The following STK3 variants were observed in gnomAD, a reference collection of about 807,000 sequenced individuals.
STK3 encodes serine/threonine kinase 3.
Under a neutral mutation model 58.0 loss-of-function variants are expected in STK3, and 41 were observed. That is an observed-to-expected ratio of 0.71 (90% CI 0.55 to 0.92). The LOEUF (loss-of-function observed/expected upper bound fraction) is 0.92, where lower values mean the gene tolerates loss of function less well. Ranked by LOEUF, STK3 falls within the 40% of genes least tolerant of loss-of-function variation. The probability of loss-of-function intolerance (pLI) is 0.00; values close to 1 mark genes in which losing one functional copy is unlikely to be tolerated. For missense variants in STK3, 479 were observed against 602.7 expected (o/e 0.79, Z 2.15); for synonymous variants, 170 against 191.0 (o/e 0.89, Z 0.91).
At chr8:98,384,814 A>G (rs936237029) in intron 1 of STK3, among the ~76,000 whole-genome samples, 50 of 152,214 alleles carry the variant, frequency 3.3e-4, no homozygotes, top group African/African-American at 1.0e-3. Context: ...TCATTCTTGA[A>G]TCCTTTCTGC....
At chr8:98,928,994 G>T (rs1438191107) in intron 1 of STK3, among the ~76,000 whole-genome samples, 1 of 152,214 alleles carries the variant, frequency 6.6e-6, no homozygotes, top group Non-Finnish European at 1.5e-5. Flanking sequence ...GGCCGGGCAT[G>T]GTGGTTCATG....
downstream of STK3, among the ~76,000 whole-genome samples, chr8:98,452,159 T>A (rs936855852): frequency 6.6e-6 from 1 of 152,210 alleles, no homozygotes; most frequent in Non-Finnish European, 1.5e-5. Flanking sequence ...TTAAAAAACA[T>A]CTTATTAATG....
intron 9 of STK3, among the ~76,000 whole-genome samples, chr8:98,542,474 T>C (rs949555968): frequency 6.6e-6 from 1 of 152,132 alleles, no homozygotes; most frequent in African/African-American, 2.4e-5. Context: ...CATCATTCTC[T>C]ATAGAAGCCC....
At chr8:98,493,395 C>G (rs541455911) in intron 10 of STK3, among the ~76,000 whole-genome samples, 1 of 152,226 alleles carries the variant, frequency 6.6e-6, no homozygotes, top group East Asian at 1.9e-4. Flanking sequence ...ATTCACTTCC[C>G]GCTCTGAAGC....
chr8:98,755,576 C>A (rs755619172), intron 3 of STK3, among the ~76,000 whole-genome samples: 46 of 152,168 alleles, frequency 3.0e-4, no homozygotes, highest in Non-Finnish European at 5.7e-4. Context: ...ATAAAATGTC[C>A]TTTCTCCACT....
At chr8:98,390,834 T>C (rs1016403943), upstream of STK3, among the ~76,000 whole-genome samples, 1 of 152,218 alleles carries the variant, frequency 6.6e-6, no homozygotes, top group East Asian at 1.9e-4. Flanking sequence ...GTCCATCCCA[T>C]GTGTTTTATT....
rs1171136504 is a variant in STK3, at chr8:98,428,209, T to C, written n.483+5918A>G. ...TTCTACTTCGACCGCAACCCTGAGC[T>C]CTTCCCCTACGTGCTGCATTTCTAT... On this transcript the variant is annotated intron_variant and non_coding_transcript_variant, in intron 3 of 3. Transcript: ENST00000517832. This position sits in a 1 kb window ranked among gnomAD's most constrained non-coding sequence, Gnocchi z 6.7. 3 of 1,613,994 alleles carry C rather than the reference T, an allele frequency of 1.9e-6. No individual in the cohort carries two copies. The South Asian group carries it at 3.3e-5, about 18-fold the overall frequency.
intron 1 of STK3, among the ~76,000 whole-genome samples, chr8:98,803,769 G>A (rs1229897618): frequency 6.6e-6 from 1 of 151,858 alleles, no homozygotes; most frequent in Non-Finnish European, 1.5e-5. Flanking sequence ...TATAAAATCA[G>A]TTTTAAAAAA....
chr8:98,436,890 AC>A (rs1385533539), intron 2 of STK3: 1 of 152,174 alleles, frequency 6.6e-6, no homozygotes, highest in Non-Finnish European at 1.5e-5. Context: ...CACCCACCGG[AC>A]CAGGTGTCAC....
chr8:98,768,022 G>A (rs1370257483), intron 2 of STK3, among the ~76,000 whole-genome samples: 1 of 152,180 alleles, frequency 6.6e-6, no homozygotes, highest in Non-Finnish European at 1.5e-5. Context: ...TACAACTCCT[G>A]AAACTTTGCC....
intron 6 of STK3, among the ~76,000 whole-genome samples, chr8:98,665,272 A>T (rs947082816): frequency 1.3e-5 from 2 of 152,234 alleles, no homozygotes; most frequent in Non-Finnish European, 2.9e-5. Context: ...GTCTGACTAC[A>T]AAGGCAGTTC....
At chr8:98,427,013 G>C (rs1818243990) in intron 3 of STK3, 1 of 150,466 alleles carries the variant, frequency 6.6e-6, no homozygotes, top group South Asian at 2.1e-4. Flanking sequence ...CTCTGCTCCC[G>C]CCCCGGCTCA....
intron 3 of STK3, among the ~76,000 whole-genome samples, chr8:98,395,751 G>T (rs544852805): frequency 1.1e-3 from 173 of 152,202 alleles, no homozygotes; most frequent in African/African-American, 3.4e-3. Context: ...CACAACTGGG[G>T]AAGGATTACA....
chr8:98,756,620 A>G (rs1327627813), intron 3 of STK3, among the ~76,000 whole-genome samples: 2 of 152,238 alleles, frequency 1.3e-5, no homozygotes, highest in Non-Finnish European at 2.9e-5. Flanking sequence ...GACCAATTAA[A>G]AAGTAATGTT....
intron 3 of STK3, among the ~76,000 whole-genome samples, chr8:98,869,022 A>AGAAGGAAGGAAGGAAGGAAGGAAAGAAG (rs1837251485): frequency 6.5e-4 from 73 of 111,768 alleles, no homozygotes; most frequent in South Asian, 1.9e-3. Context: ...GAAAAAGGAA[A>AGAAGGAAGGAAGGAAGGAAGGAAAGAAG]GAAGGAAGGA....
At chr8:98,890,945 G>A (rs1838175799) in intron 1 of STK3, among the ~76,000 whole-genome samples, 1 of 152,194 alleles carries the variant, frequency 6.6e-6, no homozygotes. Flanking sequence ...CTTGAGCATG[G>A]TTATCAATGC....
chr8:98,699,066 T>G (rs1476275552), intron 6 of STK3, among the ~76,000 whole-genome samples: 1 of 152,198 alleles, frequency 6.6e-6, no homozygotes, highest in East Asian at 1.9e-4. Flanking sequence ...TCATTTCTTT[T>G]TGTTCTTTTT....
At chr8:98,555,058 A>G (rs889870536) in intron 8 of STK3, among the ~76,000 whole-genome samples, 3 of 152,112 alleles carry the variant, frequency 2.0e-5, no homozygotes. Context: ...ATCAGTGGCC[A>G]TCATGTGCCA....
intron 6 of STK3, among the ~76,000 whole-genome samples, chr8:98,706,237 G>A (rs913454650): frequency 2.0e-5 from 3 of 152,160 alleles, no homozygotes; most frequent in Non-Finnish European, 2.9e-5. Context: ...ATTTTTGGGG[G>A]AGGAGAACAG....
Sources: allele counts gnomAD v4.1 joint callset (sites outside exome capture counted in the v4.1 genomes callset), GRCh38; gene constraint gnomAD v4.1.1; non-coding constraint Gnocchi (gnomAD v3.1); transcripts MANE v1.5; gene names NCBI Gene and HGNC (gene_info 2026-07-23, HGNC 2026-07-21).